The following HPSE2 variants were observed in gnomAD, a reference collection of about 807,000 sequenced individuals.
The protein encoded by HPSE2 is heparanase 2 (inactive).
A neutral mutation model predicts 60.5 loss-of-function variants in HPSE2; 38 were observed. That is an observed-to-expected ratio of 0.63 (90% CI 0.48 to 0.82). HPSE2 has a LOEUF of 0.82. Among genes scored for constraint, HPSE2 ranks in the 40% least tolerant of loss-of-function variants. The pLI is 0.00. For missense variants in HPSE2, 713 were observed against 740.4 expected, an observed-to-expected ratio of 0.96 and a Z score of 0.43; for synonymous variants, 295 against 293.2, an observed-to-expected ratio of 1.01 and a Z score of -0.06.
intron 3 of HPSE2, among the ~76,000 whole-genome samples, chr10:99,015,657 G>C (rs1458928708): frequency 6.6e-6 from 1 of 151,600 alleles, no homozygotes; most frequent in African/African-American, 2.4e-5. Context: ...ATCAAACACC[G>C]GGGCCTGTTG....
At chr10:98,514,951 T>C (rs970386490) in intron 9 of HPSE2, among the ~76,000 whole-genome samples, 1 of 151,992 alleles carries the variant, frequency 6.6e-6, no homozygotes, top group Non-Finnish European at 1.5e-5. Flanking sequence ...CTCGAGCTCC[T>C]GACCTCAGGC....
chr10:99,042,012 A>T (rs562500690), intron 3 of HPSE2, among the ~76,000 whole-genome samples: 2 of 152,308 alleles, frequency 1.3e-5, no homozygotes, highest in South Asian at 2.1e-4. Context: ...TCACATGTAT[A>T]GTTTTTAATT....
chr10:99,072,997 AG>A (rs1186103864), intron 3 of HPSE2, among the ~76,000 whole-genome samples: 1 of 150,106 alleles, frequency 6.7e-6, no homozygotes, highest in Non-Finnish European at 1.5e-5. Context: ...GAGGTTGCAG[AG>A]GAACAGGAAT....
intron 7 of HPSE2, among the ~76,000 whole-genome samples, chr10:98,625,958 T>A (rs1220719190): frequency 6.6e-6 from 1 of 151,778 alleles, no homozygotes; most frequent in Non-Finnish European, 1.5e-5. Flanking sequence ...AAAACAAAAT[T>A]AGCTGGGTGT....
At chr10:98,767,524 A>G (rs1950146882) in intron 3 of HPSE2, among the ~76,000 whole-genome samples, 1 of 146,206 alleles carries the variant, frequency 6.8e-6, no homozygotes, top group Admixed American at 6.9e-5. Context: ...TGCACTATAT[A>G]TACTATATAT....
intron 3 of HPSE2, among the ~76,000 whole-genome samples, chr10:99,046,283 T>C (rs567474008): frequency 6.6e-6 from 1 of 152,032 alleles, no homozygotes; most frequent in African/African-American, 2.4e-5. Flanking sequence ...ATCCAAAATG[T>C]CTTTATGATA....
In HPSE2 at chr10:98,960,730, TTTTTA is replaced by T. The variant is rs1564692800; in HGVS notation, c.610+183503_610+183507del. Among the ~76,000 whole-genome samples, 11 of 24,784 alleles carry T rather than the reference TTTTTA, an allele frequency of 4.4e-4. 1 individual carries two copies. Among genetic ancestry groups the T allele is most frequent in the East Asian group, 1.5e-3 (2 of 1,346 alleles). 16.3% of individuals were successfully genotyped at this position (24,784 alleles called of 152,430 possible). ...TTTTTTTTTTTTTTTTGTTTTATTTTTTTTATTTTATTTTTTTTTTTATTATACTC... is the reference window on the plus strand; with the variant it reads ...TTTTTTTTTTTTTTTTGTTTTATTTTTTTTATTTTTTTTTTTATTATACTC... On this transcript the variant is annotated intron_variant, in intron 3 of 11. Transcript: ENST00000370552.
chr10:98,912,711 T>C (rs1954013554), intron 3 of HPSE2, among the ~76,000 whole-genome samples: 1 of 152,104 alleles, frequency 6.6e-6, no homozygotes, highest in African/African-American at 2.4e-5. Context: ...CCTCACTTAT[T>C]TGTGGGATCC....
chr10:98,626,532 G>A (rs1028037021), intron 7 of HPSE2, among the ~76,000 whole-genome samples: 5 of 152,132 alleles, frequency 3.3e-5, no homozygotes, highest in African/African-American at 7.2e-5. Context: ...TCATACCCAC[G>A]CCCATACTCA....
At chr10:98,622,974 T>TA (rs987446761) in intron 7 of HPSE2, among the ~76,000 whole-genome samples, 2 of 152,124 alleles carry the variant, frequency 1.3e-5, no homozygotes, top group African/African-American at 4.8e-5. Context: ...AATATAGTGC[T>TA]AAAAAAATCT....
At chr10:99,157,046 G>T (rs1365957322) in intron 2 of HPSE2, among the ~76,000 whole-genome samples, 2 of 96,164 alleles carry the variant, frequency 2.1e-5, no homozygotes, top group African/African-American at 6.3e-5. Context: ...ACTTACAAGG[G>T]ATGTGAAGGA....
the HPSE2 span, among the ~76,000 whole-genome samples, chr10:99,285,476 A>AGGGAGGG: frequency 5.9e-4 from 57 of 97,114 alleles, no homozygotes; most frequent in Non-Finnish European, 8.5e-4. Context: ...GGAAGGAAGG[A>AGGGAGGG]AGGGAGGGAG....
chr10:98,574,978 A>C (rs576689), intron 9 of HPSE2, among the ~76,000 whole-genome samples: 129,240 of 152,100 alleles, frequency 0.85, 56,166 homozygotes, highest in East Asian at 1. Flanking sequence ...AAAGGGGGAC[A>C]TTTTGTCCTT....
At chr10:98,788,894 T>C (rs942768236) in intron 3 of HPSE2, among the ~76,000 whole-genome samples, 1 of 151,988 alleles carries the variant, frequency 6.6e-6, no homozygotes, top group African/African-American at 2.4e-5. Flanking sequence ...AATGCAGAAA[T>C]CACCCGTCTT....
intron 3 of HPSE2, among the ~76,000 whole-genome samples, chr10:98,852,160 TG>T (rs1952196547): frequency 7.8e-6 from 1 of 127,906 alleles, no homozygotes; most frequent in Non-Finnish European, 1.6e-5. Context: ...TGTGTGTGTG[TG>T]TGTGTATATA....
At chr10:98,660,972 T>C (rs1043202965) in intron 6 of HPSE2, among the ~76,000 whole-genome samples, 1 of 152,202 alleles carries the variant, frequency 6.6e-6, no homozygotes, top group Non-Finnish European at 1.5e-5. Flanking sequence ...GTAGGCTGAA[T>C]TGGCACCAGA....
chr10:98,463,460 T>G (rs952913203), intron 11 of HPSE2, among the ~76,000 whole-genome samples: 1 of 152,226 alleles, frequency 6.6e-6, no homozygotes, highest in African/African-American at 2.4e-5. Flanking sequence ...TATTTCTCAA[T>G]GAAAATGTAA....
chr10:98,963,962 T>C (rs965546249), intron 3 of HPSE2, among the ~76,000 whole-genome samples: 10 of 152,186 alleles, frequency 6.6e-5, no homozygotes, highest in Middle Eastern at 3.2e-3. Context: ...CTAAACCTAA[T>C]GCCCGATGGA....
intron 3 of HPSE2, among the ~76,000 whole-genome samples, chr10:98,881,226 TG>T (rs1253229522): frequency 3.3e-5 from 5 of 152,092 alleles, no homozygotes; most frequent in African/African-American, 9.7e-5. Context: ...TTATTCTTGC[TG>T]GAAGCAGTTG....
Sources: gnomAD v4.1 joint callset for allele counts (sites outside exome capture counted in the v4.1 genomes callset) on GRCh38, gnomAD v4.1.1 for gene constraint, MANE v1.5 for transcripts, NCBI Gene and HGNC (gene_info 2026-07-23, HGNC 2026-07-21) for gene names.